The following CUL3 variants were observed in gnomAD, a reference collection of about 807,000 sequenced individuals.
CUL3 encodes the protein cullin-3.
Under a neutral mutation model 89.1 loss-of-function variants are expected in CUL3, and 19 were observed. The observed-to-expected ratio is 0.21, with a 90% CI of 0.15 to 0.31. The LOEUF is 0.31. Ranked by LOEUF, CUL3 falls within the 10% of genes least tolerant of loss-of-function variation. The probability of loss-of-function intolerance (pLI) is 1.00; values close to 1 mark genes in which losing one functional copy is unlikely to be tolerated. For synonymous variants in CUL3, 351 were observed against 308.4 expected (o/e 1.14, Z -1.45); for missense variants, 469 against 942.3 (o/e 0.50, Z 6.58).
chr2:224,472,733 C>T lies in CUL3; in HGVS notation c.*1512G>A, dbSNP rs953544115. Reference sequence around the variant, plus strand: ...GCAAGTCTAAAAGGAAAATTATAACCCAAGACGCATGGGGAAAAATATTTA... The same window carrying T: ...GCAAGTCTAAAAGGAAAATTATAACTCAAGACGCATGGGGAAAAATATTTA... On this transcript the variant is annotated 3_prime_UTR_variant, in exon 16 of 16. Coordinates refer to ENST00000264414, the MANE Select transcript of CUL3 (RefSeq NM_003590.5). 5.1e-6 allele frequency: 1 copy of T among 195,616 alleles called. No homozygotes were observed. Among genetic ancestry groups the T allele is most frequent in the South Asian group, 1.9e-4 (1 of 5,208 alleles). The allele number at this position is 195,616 out of a possible 1,614,324, so 12.1% of individuals were successfully genotyped here. A position where few individuals can be genotyped will look rare whatever the true frequency, so the allele number is the denominator to read the frequency against.
chr2:224,501,698 G>C (rs115462572), intron 10 of CUL3, among the ~76,000 whole-genome samples: 1 of 152,118 alleles, frequency 6.6e-6, no homozygotes, highest in African/African-American at 2.4e-5. Context: ...GATCATAGAG[G>C]AGACTCTTAG....
chr2:224,535,960 T>C (rs1231990710), intron 2 of CUL3, among the ~76,000 whole-genome samples: 1 of 152,150 alleles, frequency 6.6e-6, no homozygotes, highest in Non-Finnish European at 1.5e-5. Flanking sequence ...CCTGTAAGAC[T>C]GGCTTCATGC....
At chr2:224,517,421 C>T (rs1169383243) in intron 3 of CUL3, among the ~76,000 whole-genome samples, 1 of 152,114 alleles carries the variant, frequency 6.6e-6, no homozygotes, top group Non-Finnish European at 1.5e-5. Context: ...GCCTGTAATC[C>T]CAGCACTTTG....
chr2:224,512,345 C>G (rs1241075864), intron 5 of CUL3, among the ~76,000 whole-genome samples: 1 of 152,180 alleles, frequency 6.6e-6, no homozygotes, highest in East Asian at 1.9e-4. Flanking sequence ...ATCCACTCGT[C>G]TCAGCCTCCC....
At chr2:224,563,103 C>T in intron 1 of CUL3, 2 of 379,522 alleles carry the variant, frequency 5.3e-6, no homozygotes, top group Non-Finnish European at 1.1e-5. Context: ...AAATAAATGT[C>T]AGAAAGAAAT....
At chr2:224,479,419 G>A (rs1406798351) in intron 14 of CUL3, 1 of 151,582 alleles carries the variant, frequency 6.6e-6, no homozygotes, top group Admixed American at 6.6e-5. Flanking sequence ...CTTTTCCTCA[G>A]AAGTTGATGT....
intron 2 of CUL3, among the ~76,000 whole-genome samples, chr2:224,542,353 T>C (rs906573742): frequency 2.0e-5 from 3 of 152,062 alleles, no homozygotes; most frequent in Non-Finnish European, 4.4e-5. Context: ...AGAAACAGGG[T>C]GTCACTCTTT....
intron 3 of CUL3, 31 bp downstream of exon 3, chr2:224,535,497 A>C: frequency 3.5e-6 from 5 of 1,444,932 alleles, no homozygotes; most frequent in Non-Finnish European, 4.7e-6. Flanking sequence ...AACTGCTTAA[A>C]GGAAGAAAAC....
At position 224,506,054 on chromosome 2, in the gene CUL3, T is replaced by C. The variant is rs1445122491; in HGVS notation, c.1108A>G (p.Ile370Val). ...AGAAAATACTCAAAGTCACCCGCAA[T>C]AGTTTGTTTAAAGAGACGGTCATTG... ...FNNDRLFKQT[I>V]AGDFEYFLNL... is the part of the protein sequence containing the mutation. The change falls in exon 8 of 16, where the codon ATT becomes GTT. Residue 370 changes from isoleucine to valine, a missense_variant. Ile to Val is a conservative substitution (Grantham distance 29, BLOSUM62 3). Coordinates refer to ENST00000264414, the MANE Select transcript of CUL3 (RefSeq NM_003590.5). 1 of 1,612,942 alleles carries C rather than the reference T, an allele frequency of 6.2e-7. No homozygotes were observed. Among genetic ancestry groups the C allele is most frequent in the Non-Finnish European group, 8.5e-7 (1 of 1,179,294 alleles).
chr2:224,562,641 A>G (rs1335737462), intron 1 of CUL3: 1 of 151,334 alleles, frequency 6.6e-6, no homozygotes, highest in Non-Finnish European at 1.5e-5. Flanking sequence ...TTGTCTCAAA[A>G]AAAAAAAAAA....
chr2:224,475,111 A>G (rs12986433), intron 15 of CUL3, among the ~76,000 whole-genome samples: 28,092 of 152,028 alleles, frequency 0.18, 2,951 homozygotes, highest in South Asian at 0.27. Flanking sequence ...TCCGCCTCCC[A>G]GGTTCCCACC....
intron 1 of CUL3, among the ~76,000 whole-genome samples, chr2:224,574,356 C>T (rs1463796665): frequency 6.6e-6 from 1 of 152,150 alleles, no homozygotes; most frequent in Non-Finnish European, 1.5e-5. Context: ...CTAGTAGCAA[C>T]AGATTTGGAT....
intron 12 of CUL3, among the ~76,000 whole-genome samples, chr2:224,497,053 C>T (rs1050732872): frequency 2.6e-5 from 4 of 152,182 alleles, no homozygotes; most frequent in Admixed American, 6.5e-5. Context: ...TTCAGCAATA[C>T]TTAATCTGAT....
At chr2:224,476,154 G>T (rs1216606600) in intron 15 of CUL3, among the ~76,000 whole-genome samples, 1 of 151,954 alleles carries the variant, frequency 6.6e-6, no homozygotes, top group Non-Finnish European at 1.5e-5. Flanking sequence ...CTCCCGAGTA[G>T]TTGGGATTAC....
rs552925358 is a variant in CUL3 at position 224,585,176 on chromosome 2, GGGCGGCGGCGGC to G, written c.-179_-168del. 2.7e-4 allele frequency: 70 copies of G among 261,192 alleles called. No homozygotes were observed. The Middle Eastern group carries it at 3.8e-3, about 14-fold the overall frequency. 16.2% of individuals were successfully genotyped at this position (261,192 alleles called of 1,614,324 possible). ...CCCTGGGCAGCCGCGGCGGCGGCGG[GGGCGGCGGCGGC>G]GGCGGCGGCGGCTCGGACTCTGGCG... On this transcript the variant is annotated 5_prime_UTR_variant, in exon 1 of 16. Transcript: ENST00000264414.
At chr2:224,484,084 T>A (rs1691630847) in intron 13 of CUL3, among the ~76,000 whole-genome samples, 1 of 152,120 alleles carries the variant, frequency 6.6e-6, no homozygotes, top group South Asian at 2.1e-4. Context: ...GGTGGGAGGA[T>A]GGCTTGAACC....
intron 3 of CUL3, among the ~76,000 whole-genome samples, chr2:224,521,571 C>G (rs1197236961): frequency 1.3e-5 from 2 of 152,008 alleles, no homozygotes; most frequent in African/African-American, 4.8e-5. Context: ...GCTGGGATTA[C>G]AGGTATGTGC....
intron 1 of CUL3, among the ~76,000 whole-genome samples, chr2:224,578,296 T>C (rs969894786): frequency 1.3e-5 from 2 of 152,162 alleles, no homozygotes; most frequent in Non-Finnish European, 2.9e-5. Flanking sequence ...TGATAGTCAT[T>C]AAAAACTATG....
intron 13 of CUL3, among the ~76,000 whole-genome samples, chr2:224,494,815 C>T (rs969560275): frequency 6.6e-6 from 1 of 151,966 alleles, no homozygotes; most frequent in Non-Finnish European, 1.5e-5. Flanking sequence ...AAAAGTAAAT[C>T]GTTACAAATT....
Sources: allele counts gnomAD v4.1 joint callset (sites outside exome capture counted in the v4.1 genomes callset), GRCh38; gene constraint gnomAD v4.1.1; transcripts MANE v1.5; gene names NCBI Gene and HGNC (gene_info 2026-07-23, HGNC 2026-07-21).